RTL4: variants seen among roughly 807,000 people sequenced by gnomAD.
RTL4 encodes the protein retrotransposon Gag-like protein 4.
A neutral mutation model predicts 5.3 loss-of-function variants in RTL4; 4 were observed. The observed-to-expected ratio is 0.75, with a 90% CI of 0.37 to 1.72. The LOEUF (loss-of-function observed/expected upper bound fraction) is 1.72, where lower values mean the gene tolerates loss of function less well. RTL4 is among the 40% of genes most tolerant of loss of function. RTL4 has a pLI of 0.04. For missense variants in RTL4, 260 were observed against 227.1 expected (o/e 1.14, Z -0.93); for synonymous variants, 98 against 87.3 (o/e 1.12, Z -0.68).
chrX:112,128,817 A>G, the RTL4 span, among the ~76,000 whole-genome samples: 8 of 111,650 alleles, frequency 7.2e-5, no homozygotes, highest in Admixed American at 7.6e-4. Flanking sequence ...AGCTTAGGCA[A>G]TAAACAAATA....
the RTL4 span, among the ~76,000 whole-genome samples, chrX:112,363,274 G>A: frequency 1.8e-5 from 2 of 111,139 alleles, no homozygotes; most frequent in Admixed American, 1.9e-4. Context: ...TATCTGCAGG[G>A]AAATGAAGAC....
At chrX:112,140,986 G>A in the RTL4 span, among the ~76,000 whole-genome samples, 3 of 111,408 alleles carry the variant, frequency 2.7e-5, no homozygotes, top group African/African-American at 6.5e-5. Flanking sequence ...GCTTGTGATT[G>A]CATTGATTTT....
chrX:112,209,919 A>C, the RTL4 span, among the ~76,000 whole-genome samples: 1 of 111,675 alleles, frequency 9.0e-6, no homozygotes, highest in Admixed American at 9.5e-5. Flanking sequence ...AAATCCTAGA[A>C]GCCTCCGCTG....
the RTL4 span, among the ~76,000 whole-genome samples, chrX:112,350,720 T>C: frequency 9.0e-6 from 1 of 111,468 alleles, no homozygotes. Context: ...ATATCCCCTT[T>C]GTCATTTTTT....
chrX:112,457,096 T>G (rs768923516), exon 1 of RTL4: 1 of 123,459 alleles, frequency 8.1e-6, no homozygotes, highest in South Asian at 3.7e-4. Context: ...ACATATTCCC[T>G]AGCAACCATC....
At chrX:112,347,623 A>C in the RTL4 span, among the ~76,000 whole-genome samples, 1 of 111,741 alleles carries the variant, frequency 8.9e-6, no homozygotes, top group Non-Finnish European at 1.9e-5. Context: ...GAGATCTTCT[A>C]TTCCTTTAAC....
the RTL4 span, among the ~76,000 whole-genome samples, chrX:112,392,120 A>G: frequency 2.5e-4 from 28 of 111,637 alleles, 1 homozygote; most frequent in Admixed American, 2.6e-3. Flanking sequence ...TTGCTCCTTC[A>G]TTAGTCTGAG....
chrX:112,296,258 C>T, the RTL4 span, among the ~76,000 whole-genome samples: 1 of 111,763 alleles, frequency 8.9e-6, no homozygotes, highest in African/African-American at 3.3e-5. Context: ...TCTGAGTTGC[C>T]TTAATACCTT....
the RTL4 span, among the ~76,000 whole-genome samples, chrX:112,153,475 T>C: frequency 8.9e-6 from 1 of 112,118 alleles, no homozygotes; most frequent in Non-Finnish European, 1.9e-5. Flanking sequence ...TGTCATACTT[T>C]TTACATTTTT....
At chrX:112,279,599 G>A in the RTL4 span, among the ~76,000 whole-genome samples, 1 of 110,147 alleles carries the variant, frequency 9.1e-6, no homozygotes, top group Non-Finnish European at 1.9e-5. Context: ...AAAATGAGGA[G>A]GTTAACTTAA....
the RTL4 span, among the ~76,000 whole-genome samples, chrX:112,423,354 T>G: frequency 9.0e-6 from 1 of 110,775 alleles, no homozygotes; most frequent in African/African-American, 3.3e-5. Flanking sequence ...GGTTCATAGA[T>G]TCTATTGGTC....
At chrX:112,396,673 CAA>C in the RTL4 span, among the ~76,000 whole-genome samples, 4 of 109,893 alleles carry the variant, frequency 3.6e-5, no homozygotes, top group Non-Finnish European at 5.7e-5. Flanking sequence ...ACTAATGAAA[CAA>C]TATTGACGCA....
At chrX:112,403,197 C>T in the RTL4 span, among the ~76,000 whole-genome samples, 1 of 111,350 alleles carries the variant, frequency 9.0e-6, no homozygotes, top group Non-Finnish European at 1.9e-5. Context: ...CACAGTTTGG[C>T]CCTTCTTTCT....
At chrX:112,422,177 CAATA>C in the RTL4 span, among the ~76,000 whole-genome samples, 1 of 111,103 alleles carries the variant, frequency 9.0e-6, no homozygotes, top group Non-Finnish European at 1.9e-5. Context: ...TCTAGCTGTC[CAATA>C]AATAATTAAA....
the RTL4 span, among the ~76,000 whole-genome samples, chrX:112,267,526 TC>T: frequency 1.8e-5 from 2 of 111,883 alleles, no homozygotes; most frequent in African/African-American, 6.5e-5. Context: ...CACAGTCTTC[TC>T]TTCTATTTGT....
At chrX:112,449,479 G>A in the RTL4 span, among the ~76,000 whole-genome samples, 16 of 111,773 alleles carry the variant, frequency 1.4e-4, no homozygotes, top group Admixed American at 1.4e-3. Flanking sequence ...CCTTTTGAGG[G>A]TATTCAACCT....
At chrX:112,232,882 C>T in the RTL4 span, among the ~76,000 whole-genome samples, 6 of 110,874 alleles carry the variant, frequency 5.4e-5, no homozygotes, top group East Asian at 1.7e-3. Flanking sequence ...TTGAGGGGAG[C>T]TGAGGTAAGG....
chrX:112,456,202 G>A (rs760381345), exon 1 of RTL4: 11 of 302,819 alleles, frequency 3.6e-5, no homozygotes, highest in Admixed American at 6.2e-5. Context: ...TATTGACTAC[G>A]ATCTACCTTC....
At chrX:112,398,396 C>CTTTTTTTT in the RTL4 span, among the ~76,000 whole-genome samples, 170 of 72,090 alleles carry the variant, frequency 2.4e-3, no homozygotes, top group Non-Finnish European at 3.3e-3. Context: ...TTCTTTCTTT[C>CTTTTTTTT]TTTTTTTTTT....
Sources: gnomAD v4.1 joint callset for allele counts (sites outside exome capture counted in the v4.1 genomes callset) on GRCh38, gnomAD v4.1.1 for gene constraint, MANE v1.5 for transcripts, NCBI Gene and HGNC (gene_info 2026-07-23, HGNC 2026-07-21) for gene names.